The following RGS7 variants were observed in gnomAD, a reference collection of about 807,000 sequenced individuals.
RGS7 encodes the protein regulator of G protein signaling 7.
RGS7 carries 27 observed loss-of-function variants against 81.1 expected under a neutral mutation model. The observed-to-expected ratio is 0.33, with a 90% confidence interval of 0.25 to 0.46. The LOEUF is 0.46. Ranked by LOEUF, RGS7 falls within the 20% of genes least tolerant of loss-of-function variation. The pLI is 1.00. For missense variants in RGS7, 396 were observed against 607.4 expected (o/e 0.65, Z 3.66); for synonymous variants, 208 against 207.7 (o/e 1.00, Z -0.01).
intron 3 of RGS7, among the ~76,000 whole-genome samples, chr1:241,056,006 A>T (rs542747859): frequency 6.6e-6 from 1 of 152,202 alleles, no homozygotes; most frequent in African/African-American, 2.4e-5. Flanking sequence ...AACACAAAAC[A>T]TTTTTCTTAA....
intron 6 of RGS7, among the ~76,000 whole-genome samples, chr1:240,887,257 CT>C (rs1667513650): frequency 1.5e-5 from 1 of 68,874 alleles, no homozygotes; most frequent in Admixed American, 1.8e-4. Flanking sequence ...GAGATGGAGT[CT>C]TGCTCTTTTG....
At chr1:241,087,311 G>A (rs558189949) in intron 3 of RGS7, among the ~76,000 whole-genome samples, 6 of 152,144 alleles carry the variant, frequency 3.9e-5, no homozygotes, top group African/African-American at 1.2e-4. Flanking sequence ...TTATTCACTT[G>A]AACAATATTT....
intron 6 of RGS7, among the ~76,000 whole-genome samples, chr1:240,877,176 G>A (rs1179567517): frequency 1.3e-5 from 2 of 150,442 alleles, no homozygotes; most frequent in African/African-American, 4.9e-5. Flanking sequence ...TACCTAAAAA[G>A]CTGAAATAAC....
chr1:241,305,268 C>T (rs2080019397), intron 2 of RGS7, among the ~76,000 whole-genome samples: 1 of 152,178 alleles, frequency 6.6e-6, no homozygotes, highest in African/African-American at 2.4e-5. Flanking sequence ...TGGAGAAACA[C>T]ATTCAGAAAA....
chr1:241,134,955 T>TACCCCGGCCGGAAGACACCTACCCC lies in RGS7; in HGVS notation c.79-36194_79-36193insGGGGTAGGTGTCTTCCGGCCGGGGT, dbSNP rs1558115657. Among the ~76,000 whole-genome samples, 168 of 150,754 alleles carry TACCCCGGCCGGAAGACACCTACCCC rather than the reference T, an allele frequency of 1.1e-3. 2 individuals carry two copies. The highest frequency in any genetic ancestry group is 3.9e-3 in the African/African-American group (162 of 41,120). ...TACCCCGGCCGGAAGACACCTACCC[T>TACCCCGGCCGGAAGACACCTACCCC]GGCCGGAAGACACCTACCTCTGAAG... On this transcript the variant is annotated intron_variant, in intron 2 of 18. Transcript: ENST00000440928.
intron 2 of RGS7, among the ~76,000 whole-genome samples, chr1:241,145,440 A>G (rs187297613): frequency 6.6e-6 from 1 of 152,288 alleles, no homozygotes; most frequent in East Asian, 1.9e-4. Flanking sequence ...TAAACATGAG[A>G]TTTCCACTTT....
At chr1:240,908,678 A>G (rs1371377411) in intron 6 of RGS7, among the ~76,000 whole-genome samples, 2 of 152,158 alleles carry the variant, frequency 1.3e-5, no homozygotes, top group East Asian at 3.9e-4. Flanking sequence ...AATGACCAGA[A>G]TTATTATCCT....
chr1:240,944,279 T>TGC (rs1678167251), intron 4 of RGS7, among the ~76,000 whole-genome samples: 1 of 24,196 alleles, frequency 4.1e-5, no homozygotes, highest in Non-Finnish European at 9.0e-5. Context: ...TGTGTGTGTG[T>TGC]GTGTATATAT....
At chr1:241,237,189 T>G (rs540339400) in intron 2 of RGS7, among the ~76,000 whole-genome samples, 11 of 152,208 alleles carry the variant, frequency 7.2e-5, no homozygotes, top group Non-Finnish European at 1.5e-4. Context: ...TACTAAAACA[T>G]GTAAGAATTA....
At chr1:241,166,116 T>TA (rs1004554005) in intron 2 of RGS7, among the ~76,000 whole-genome samples, 1 of 151,964 alleles carries the variant, frequency 6.6e-6, no homozygotes, top group Non-Finnish European at 1.5e-5. Context: ...AGAATTCAAA[T>TA]AAAAAACACA....
chr1:240,800,585 CA>C, intron 18 of RGS7, 55 bp downstream of exon 18: 1 of 1,125,884 alleles, frequency 8.9e-7, no homozygotes, highest in Admixed American at 2.2e-5. Context: ...GGAGCTAAAC[CA>C]CACAACTCAA....
downstream of RGS7, among the ~76,000 whole-genome samples, chr1:240,774,968 T>C (rs1040249139): frequency 1.2e-4 from 18 of 152,216 alleles, no homozygotes; most frequent in African/African-American, 4.3e-4. Context: ...TTACGTAGTT[T>C]ATATGCAAAC....
At chr1:240,901,063 G>A (rs1022620526) in intron 6 of RGS7, among the ~76,000 whole-genome samples, 8 of 152,198 alleles carry the variant, frequency 5.3e-5, no homozygotes, top group East Asian at 3.9e-4. Context: ...AGCAGTGAGC[G>A]AGGCTCCGTG....
chr1:241,027,074 G>A (rs990956411), intron 3 of RGS7, among the ~76,000 whole-genome samples: 2 of 151,218 alleles, frequency 1.3e-5, no homozygotes, highest in African/African-American at 2.4e-5. Flanking sequence ...GGGGTGGTAC[G>A]TGCCTGTAGT....
chr1:241,153,998 G>A (rs1022634243), intron 2 of RGS7, among the ~76,000 whole-genome samples: 1 of 152,206 alleles, frequency 6.6e-6, no homozygotes, highest in African/African-American at 2.4e-5. Flanking sequence ...ATGTGTAATG[G>A]CACTGATGGT....
At chr1:241,106,541 CTGTCTCT>C (rs1412619129) in intron 2 of RGS7, among the ~76,000 whole-genome samples, 1 of 150,576 alleles carries the variant, frequency 6.6e-6, no homozygotes, top group Non-Finnish European at 1.5e-5. Context: ...TGGCGAAATT[CTGTCTCT>C]ACTAAAAATA....
At chr1:240,982,143 G>A (rs1685000451) in intron 4 of RGS7, among the ~76,000 whole-genome samples, 2 of 150,888 alleles carry the variant, frequency 1.3e-5, no homozygotes, top group Non-Finnish European at 2.9e-5. Context: ...AAATGTAGCT[G>A]GGCATGGTGG....
chr1:240,947,923 T>G (rs1224602769), intron 4 of RGS7, among the ~76,000 whole-genome samples: 2 of 152,210 alleles, frequency 1.3e-5, no homozygotes, highest in South Asian at 2.1e-4. Flanking sequence ...GACCTCCTTG[T>G]TGCTCCTCAA....
chr1:241,132,787 G>C (rs113523776), intron 2 of RGS7, among the ~76,000 whole-genome samples: 1,928 of 150,612 alleles, frequency 0.013, 26 homozygotes, highest in African/African-American at 0.045. Flanking sequence ...GTTTTAGACG[G>C]AGTCTAGCTC....
Sources: gnomAD v4.1 joint callset for allele counts (sites outside exome capture counted in the v4.1 genomes callset) on GRCh38, gnomAD v4.1.1 for gene constraint, MANE v1.5 for transcripts, NCBI Gene and HGNC (gene_info 2026-07-23, HGNC 2026-07-21) for gene names.